MARK1: variants seen among roughly 807,000 people sequenced by gnomAD.
The protein encoded by MARK1 is serine/threonine-protein kinase MARK1.
MARK1 carries 40 observed loss-of-function variants against 96.3 expected under a neutral mutation model. The observed-to-expected ratio is 0.42, with a 90% confidence interval of 0.32 to 0.54. The LOEUF is 0.54. MARK1 is among the 20% of genes least tolerant of loss of function. The pLI, the probability that MARK1 is intolerant of heterozygous loss-of-function variation, is 0.16. For synonymous variants in MARK1, 317 were observed against 341.2 expected (o/e 0.93, Z 0.78); for missense variants, 719 against 984.6 (o/e 0.73, Z 3.61).
Position 220,635,405 on chromosome 1 carries a change from A to C in MARK1, c.1152A>C (p.Gly384=), listed in dbSNP as rs1667899936. The change falls in exon 12 of 18, where the codon GGA becomes GGC. Residue 384 remains glycine, a synonymous_variant. Transcript: ENST00000366917. ...AAGGTGGTGAATCGTTATCCAGTGG[A>C]AACTTGTGTCAGAGGTCCCGGCCCA... ...EFEGGESLSS[G]NLCQRSRPSS... The C allele has an allele frequency of 1.9e-6, 3 of 1,608,670 alleles. No individual in the cohort carries two copies. In the East Asian group the frequency reaches 6.7e-5, roughly 36 times the overall value.
chr1:220,611,499 A>G (rs1666440612), intron 6 of MARK1, among the ~76,000 whole-genome samples: 4 of 152,018 alleles, frequency 2.6e-5, no homozygotes, highest in Admixed American at 2.0e-4. Flanking sequence ...TTTGGCTAGG[A>G]AAGGGAAATA....
At chr1:220,557,225 A>G (rs887210866) in intron 1 of MARK1, among the ~76,000 whole-genome samples, 1 of 152,222 alleles carries the variant, frequency 6.6e-6, no homozygotes, top group African/African-American at 2.4e-5. Context: ...TTTAAAGAAT[A>G]TGAGAGAAAA....
intron 1 of MARK1, among the ~76,000 whole-genome samples, chr1:220,569,070 C>G (rs746350894): frequency 3.2e-4 from 48 of 152,134 alleles, no homozygotes; most frequent in Non-Finnish European, 1.2e-4. Context: ...CAAATGCTAT[C>G]AAACTCTAAT....
chr1:220,604,856 A>T (rs965967002), intron 6 of MARK1, among the ~76,000 whole-genome samples: 4 of 152,174 alleles, frequency 2.6e-5, no homozygotes, highest in Admixed American at 2.0e-4. Flanking sequence ...TAGAAATAGC[A>T]AATTAGTGAA....
rs1355515518 is a variant in MARK1 at position 220,663,756 on chromosome 1, A to G, written c.*1590A>G. The G allele has an allele frequency of 6.6e-6, 1 of 151,730 alleles. No homozygotes were observed. The highest frequency in any genetic ancestry group is 1.5e-5 in the Non-Finnish European group (1 of 67,828). The allele number at this position is 151,730 out of a possible 1,614,324, so 9.4% of individuals were successfully genotyped here. A position where few individuals can be genotyped will look rare whatever the true frequency, so the allele number is the denominator to read the frequency against. On this transcript the variant is annotated 3_prime_UTR_variant, in exon 18 of 18. Coordinates refer to ENST00000366917, the MANE Select transcript of MARK1 (RefSeq NM_018650.5). ...AACAGTTATGTTTTAAAATTAAGTG[A>G]GTTTTTTTTTTGCCTTAGCAAAGGG...
At chr1:220,636,944 T>C (rs991060458) in intron 13 of MARK1, among the ~76,000 whole-genome samples, 1 of 150,314 alleles carries the variant, frequency 6.7e-6, no homozygotes, top group Non-Finnish European at 1.5e-5. Flanking sequence ...TGACCTTAGG[T>C]TGATCAATAG....
At position 220,662,010 on chromosome 1, in the gene MARK1, T is replaced by A. The variant is rs746032770; in HGVS notation, c.2232T>A (p.His744Gln). The A allele has an allele frequency of 6.2e-7, 1 of 1,614,216 alleles. No homozygotes were observed. The highest frequency in any genetic ancestry group is 2.2e-5 in the East Asian group (1 of 44,888). ...QKERFLLFCVHGDARQDSLVQ... is the reference protein window; with the variant it reads ...QKERFLLFCVQGDARQDSLVQ... ...AGAGATTTTTGCTTTTCTGTGTCCA[T>A]GGAGACGCTAGACAGGATAGCCTCG... The change falls in exon 18 of 18, where the codon CAT (histidine) becomes CAA (glutamine). Residue 744 changes from histidine (H) to glutamine (Q), a missense_variant. By Grantham distance (24) the His-to-Gln change is conservative (BLOSUM62 0). Around this residue, in one of 4 missense-constraint regions of MARK1, gnomAD observed 501 missense variants for 588.3 expected, o/e 0.85. Coordinates refer to ENST00000366917, the MANE Select transcript of MARK1 (RefSeq NM_018650.5).
At chr1:220,542,159 A>T (rs1461562437) in intron 1 of MARK1, among the ~76,000 whole-genome samples, 1 of 152,140 alleles carries the variant, frequency 6.6e-6, no homozygotes, top group Non-Finnish European at 1.5e-5. Flanking sequence ...CTAAGTTTTA[A>T]GATTTTTCTC....
At position 220,528,799 on chromosome 1, in the gene MARK1, G is replaced by A; in HGVS notation, c.-24G>A. 1.3e-6 allele frequency: 2 copies of A among 1,547,774 alleles called. No individual in the cohort carries two copies. The highest frequency in any genetic ancestry group is 1.2e-5 in the South Asian group (1 of 83,824). On this transcript the variant is annotated 5_prime_UTR_variant, in exon 1 of 18. Coordinates refer to ENST00000366917, the MANE Select transcript of MARK1 (RefSeq NM_018650.5). ...CCACAGCCCGGCCGGCGAGACCCCG[G>A]CCAGACCCCGCTGCCCGCACAAAAT...
intron 15 of MARK1, among the ~76,000 whole-genome samples, chr1:220,652,900 T>G (rs537719727): frequency 9.2e-4 from 140 of 152,316 alleles, no homozygotes; most frequent in Non-Finnish European, 1.6e-3. Flanking sequence ...TTTCAGTCAT[T>G]TCTTGATTTT....
chr1:220,656,705 C>A (rs1250256511), intron 16 of MARK1, among the ~76,000 whole-genome samples: 1 of 151,966 alleles, frequency 6.6e-6, no homozygotes, highest in Non-Finnish European at 1.5e-5. Context: ...AATGAAAATG[C>A]CAGTTATTAA....
chr1:220,583,514 A>G (rs1284521913), intron 3 of MARK1, among the ~76,000 whole-genome samples: 1 of 151,666 alleles, frequency 6.6e-6, no homozygotes, highest in African/African-American at 2.4e-5. Context: ...ATGGAATCCA[A>G]TTCAATGAGT....
At chr1:220,567,580 C>T (rs1663145101) in intron 1 of MARK1, among the ~76,000 whole-genome samples, 1 of 152,114 alleles carries the variant, frequency 6.6e-6, no homozygotes, top group Admixed American at 6.6e-5. Flanking sequence ...TTTAAAACAA[C>T]TCGGATTAGG....
intron 13 of MARK1, among the ~76,000 whole-genome samples, chr1:220,642,641 A>C (rs986322423): frequency 6.6e-6 from 1 of 152,200 alleles, no homozygotes; most frequent in African/African-American, 2.4e-5. Flanking sequence ...TGCTTCCTTA[A>C]GGACGTCCGT....
At chr1:220,623,843 C>T (rs1667172785) in intron 9 of MARK1, among the ~76,000 whole-genome samples, 1 of 152,216 alleles carries the variant, frequency 6.6e-6, no homozygotes, top group Non-Finnish European at 1.5e-5. Context: ...TCACATCCTT[C>T]TGCCATGACT....
chr1:220,544,994 T>C (rs1469468265), intron 1 of MARK1, among the ~76,000 whole-genome samples: 1 of 152,124 alleles, frequency 6.6e-6, no homozygotes, highest in East Asian at 1.9e-4. Context: ...CAAACAAGTA[T>C]AGTAGAAAGT....
intron 3 of MARK1, among the ~76,000 whole-genome samples, chr1:220,594,189 A>G (rs1458915853): frequency 2.0e-5 from 3 of 152,244 alleles, no homozygotes; most frequent in African/African-American, 7.2e-5. Flanking sequence ...TTGAAAATGA[A>G]CAACTTGATT....
chr1:220,579,270 TA>T, intron 1 of MARK1, 83 bp from the exon 2 acceptor site: 1 of 894,094 alleles, frequency 1.1e-6, no homozygotes, highest in Non-Finnish European at 1.8e-6. Context: ...GAAGAATTGG[TA>T]ATAATAATTA....
intron 1 of MARK1, among the ~76,000 whole-genome samples, chr1:220,537,046 G>A (rs1660745042): frequency 6.6e-6 from 1 of 150,986 alleles, no homozygotes; most frequent in South Asian, 2.1e-4. Flanking sequence ...TGTTACATAG[G>A]TAAACATGTG....
Sources: gnomAD v4.1 joint callset for allele counts (sites outside exome capture counted in the v4.1 genomes callset) on GRCh38, gnomAD v4.1.1 for gene constraint, gnomAD v4.1.1 regional missense constraint, MANE v1.5 for transcripts, NCBI Gene and HGNC (gene_info 2026-07-23, HGNC 2026-07-21) for gene names.